IFNLR1: variants seen among roughly 807,000 people sequenced by gnomAD.
IFNLR1 encodes the protein interferon lambda receptor 1, also known as CRF2-12.
In IFNLR1, 28 loss-of-function variants were observed where a neutral mutation model predicts 52.5. That is an observed-to-expected ratio of 0.53 (90% confidence interval 0.40 to 0.73). The LOEUF (loss-of-function observed/expected upper bound fraction) is 0.73. Among genes scored for constraint, IFNLR1 ranks in the 30% least tolerant of loss-of-function variants. The probability of loss-of-function intolerance (pLI) is 0.00; values close to 1 mark genes in which losing one functional copy is unlikely to be tolerated. For missense variants in IFNLR1, 623 were observed against 659.1 expected (o/e 0.95, Z 0.60); for synonymous variants, 276 against 274.9 (o/e 1.00, Z -0.04).
At chr1:24,183,931 T>C (rs7546212) in intron 1 of IFNLR1, among the ~76,000 whole-genome samples, 133,766 of 152,126 alleles carry the variant, frequency 0.88, 58,970 homozygotes, top group African/African-American at 0.92. Flanking sequence ...GGTTTCACCA[T>C]GTTGGCTAGG....
chr1:24,186,688 C>T (rs373448535), intron 1 of IFNLR1, among the ~76,000 whole-genome samples: 20 of 148,394 alleles, frequency 1.3e-4, no homozygotes, highest in Non-Finnish European at 2.2e-4. Flanking sequence ...ACAACAACAA[C>T]AAAACAACAA....
At position 24,186,585 on chromosome 1, in the gene IFNLR1, G is replaced by T. The variant is rs142546008; in HGVS notation, c.58+606C>A. Among the ~76,000 whole-genome samples the T allele has an allele frequency of 2.1e-3, 325 of 152,204 alleles. 1 individual carries two copies. The highest frequency in any genetic ancestry group is 7.5e-3 in the African/African-American group (311 of 41,526). ...TCTCTTCCCTGCTTCGGTTGGAGTC[G>T]TGGGCGGTGAGGTTTGGTGGTTGGG... is the stretch of plus-strand genomic sequence containing the variant. On this transcript the variant is annotated intron_variant, in intron 1 of 6. Transcript: ENST00000327535.
Position 24,180,718 on chromosome 1 carries a change from G to A in IFNLR1, c.182+13C>T, listed in dbSNP as rs1200535955. 3 of 1,523,880 alleles carry A rather than the reference G, an allele frequency of 2.0e-6. No individual in the cohort carries two copies. Among genetic ancestry groups the A allele is most frequent in the Non-Finnish European group, 2.7e-6 (3 of 1,121,826 alleles). 94.4% of individuals were successfully genotyped at this position (1,523,880 alleles called of 1,614,324 possible). Reference sequence around the variant, plus strand: ...CAGTCTTCCCATCCACCAGCCGAGAGAGTCCCCTCTACCTCTGATAGGCCA... The same window carrying A: ...CAGTCTTCCCATCCACCAGCCGAGAAAGTCCCCTCTACCTCTGATAGGCCA... On this transcript the variant is annotated intron_variant, in intron 2 of 6. Coordinates refer to ENST00000327535, the MANE Select transcript of IFNLR1 (RefSeq NM_170743.4).
intron 1 of IFNLR1, among the ~76,000 whole-genome samples, chr1:24,181,705 C>T (rs1644692129): frequency 6.6e-6 from 1 of 152,256 alleles, no homozygotes; most frequent in East Asian, 1.9e-4. Context: ...TCTCAGGAAC[C>T]CAGGCCCAGC....
Position 24,169,554 on chromosome 1 carries a change from GT to G in IFNLR1, c.229del (p.Thr77ProfsTer8). The G allele has an allele frequency of 6.2e-7, 1 of 1,614,176 alleles. No individual in the cohort carries two copies. Among genetic ancestry groups the G allele is most frequent in the Non-Finnish European group, 8.5e-7 (1 of 1,180,028 alleles). On this transcript the variant is annotated frameshift_variant, in exon 3 of 7. Transcript: ENST00000327535. LOFTEE classifies it high-confidence loss of function. Reference sequence around the variant, plus strand: ...CATCATAGAACATAGCAGCTCCTTGGTTCCCGCACACTCTTCCACTTCGCGC... The same window carrying G: ...CATCATAGAACATAGCAGCTCCTTGGTCCCGCACACTCTTCCACTTCGCGC... The part of the protein sequence containing the change: ...RWREVEECAG[T>X]KELLCSMMCL...
intron 4 of IFNLR1, 115 bp from the exon 5 acceptor site, chr1:24,159,748 T>TGTTTTTTTG: frequency 1.0e-6 from 1 of 953,374 alleles, no homozygotes; most frequent in Non-Finnish European, 1.5e-6. Flanking sequence ...TTTTTTTTTT[T>TGTTTTTTTG]TGTTTTTTTG....
At chr1:24,184,595 C>T (rs1440973691) in intron 1 of IFNLR1, among the ~76,000 whole-genome samples, 1 of 152,164 alleles carries the variant, frequency 6.6e-6, no homozygotes, top group Non-Finnish European at 1.5e-5. Context: ...TTTTTAAACC[C>T]AGGTGTCTTT....
At chr1:24,158,344 G>A (rs139644387) in intron 6 of IFNLR1, among the ~76,000 whole-genome samples, 2 of 152,330 alleles carry the variant, frequency 1.3e-5, no homozygotes, top group African/African-American at 4.8e-5. Context: ...CAGGAAGGCT[G>A]AGGGCACGGG....
Position 24,157,918 on chromosome 1 carries a change from A to G in IFNLR1, c.802-27T>C. The G allele has an allele frequency of 6.6e-7, 1 of 1,520,090 alleles. No individual in the cohort carries two copies. The highest frequency in any genetic ancestry group is 8.8e-7 in the Non-Finnish European group (1 of 1,137,442). 94.2% of individuals were successfully genotyped at this position (1,520,090 alleles called of 1,614,324 possible). A position where few individuals can be genotyped will look rare whatever the true frequency, so the allele number is the denominator to read the frequency against. Reference sequence around the variant, plus strand: ...TGATTTGGGTAGGGGAGAGAAAAGCAGAAAATTTAGGCTTTCCTGAAGCAT... The same window carrying G: ...TGATTTGGGTAGGGGAGAGAAAAGCGGAAAATTTAGGCTTTCCTGAAGCAT... On this transcript the variant is annotated intron_variant, in intron 6 of 6. Transcript: ENST00000327535. The surrounding 1 kb of genome is among the most constrained non-coding windows in gnomAD (Gnocchi z 5.1).
intron 3 of IFNLR1, among the ~76,000 whole-genome samples, chr1:24,168,134 T>C (rs1263937354): frequency 6.6e-6 from 1 of 151,732 alleles, no homozygotes; most frequent in Non-Finnish European, 1.5e-5. Flanking sequence ...CCATCCAACC[T>C]CCTTCCTTCC....
intron 2 of IFNLR1, among the ~76,000 whole-genome samples, chr1:24,171,147 C>T (rs894144011): frequency 5.9e-5 from 9 of 152,142 alleles, no homozygotes; most frequent in African/African-American, 2.2e-4. Context: ...CAACTTCACC[C>T]TCTATAAAGC....
chr1:24,182,005 T>C (rs757389209), intron 1 of IFNLR1, among the ~76,000 whole-genome samples: 72 of 152,104 alleles, frequency 4.7e-4, no homozygotes, highest in Admixed American at 1.3e-3. Context: ...TCAAGACCAG[T>C]CTTGGCCAAC....
At chr1:24,184,086 T>G (rs1387201783) in intron 1 of IFNLR1, among the ~76,000 whole-genome samples, 1 of 151,858 alleles carries the variant, frequency 6.6e-6, no homozygotes, top group East Asian at 1.9e-4. Flanking sequence ...GACCCACCAC[T>G]CCTCCCTTGC....
At chr1:24,168,590 GA>G (rs200583578) in intron 3 of IFNLR1, among the ~76,000 whole-genome samples, 1,993 of 141,736 alleles carry the variant, frequency 0.014, 20 homozygotes, top group Middle Eastern at 0.058. Context: ...AAAATAGACT[GA>G]AAAAAAAAAA....
Position 24,156,875 on chromosome 1 carries a change from CCCA to C in IFNLR1, c.*252_*254del, listed in dbSNP as rs1337042813. The C allele has an allele frequency of 1.1e-5, 6 of 527,166 alleles. No homozygotes were observed. Among genetic ancestry groups the C allele is most frequent in the Non-Finnish European group, 2.0e-5 (6 of 299,314 alleles). 32.7% of individuals were successfully genotyped at this position (527,166 alleles called of 1,614,324 possible). A position where few individuals can be genotyped will look rare whatever the true frequency, so the allele number is the denominator to read the frequency against. On this transcript the variant is annotated 3_prime_UTR_variant, in exon 7 of 7. Coordinates refer to ENST00000327535, the MANE Select transcript of IFNLR1 (RefSeq NM_170743.4). ...CTAGGGACAATGGGGGTGATGACAC[CCCA>C]CCAACCTCTGACCTCAGCCCACCCT...
At chr1:24,168,830 G>T (rs1472975536) in intron 3 of IFNLR1, among the ~76,000 whole-genome samples, 2 of 151,972 alleles carry the variant, frequency 1.3e-5, no homozygotes, top group East Asian at 3.9e-4. Context: ...TGCAACCTCC[G>T]CCTCCTGGGT....
intron 2 of IFNLR1, among the ~76,000 whole-genome samples, chr1:24,171,118 C>T (rs1644573991): frequency 1.3e-5 from 2 of 152,198 alleles, no homozygotes; most frequent in African/African-American, 4.8e-5. Context: ...AAAATTCTAA[C>T]TTATGTGTGC....
At chr1:24,161,484 T>TGG in intron 4 of IFNLR1, 58 bp downstream of exon 4, 1 of 1,547,794 alleles carries the variant, frequency 6.5e-7, no homozygotes, top group Non-Finnish European at 8.7e-7. Context: ...GAGAAGAACC[T>TGG]GAGTAAGAAG....
chr1:24,156,532 T>C lies in IFNLR1; in HGVS notation c.*598A>G, dbSNP rs1353552018. On this transcript the variant is annotated 3_prime_UTR_variant, in exon 7 of 7. Transcript: ENST00000327535. ...GAGCTGGGATTTGAACCCCGGTCTG[T>C]CTGACACTAAAACCGTACAGTGCCA... The C allele has an allele frequency of 6.6e-6, 1 of 152,574 alleles. No individual in the cohort carries two copies. The highest frequency in any genetic ancestry group is 2.1e-4 in the South Asian group (1 of 4,832). 9.5% of individuals were successfully genotyped at this position (152,574 alleles called of 1,614,324 possible).
Sources: gnomAD v4.1 joint callset for allele counts (sites outside exome capture counted in the v4.1 genomes callset) on GRCh38, gnomAD v4.1.1 for gene constraint, Gnocchi (gnomAD v3.1) non-coding constraint, MANE v1.5 for transcripts, NCBI Gene and HGNC (gene_info 2026-07-23, HGNC 2026-07-21) for gene names.